The following ATP9A variants were observed in gnomAD, a reference collection of about 807,000 sequenced individuals.
ATP9A encodes the protein probable phospholipid-transporting ATPase IIA.
A neutral mutation model predicts 144.1 loss-of-function variants in ATP9A; 52 were observed. The observed-to-expected ratio is 0.36, with a 90% CI of 0.29 to 0.45. The LOEUF is 0.45. Ranked by LOEUF, ATP9A falls within the 20% of genes least tolerant of loss-of-function variation. The probability of loss-of-function intolerance (pLI) is 1.00; values close to 1 mark genes in which losing one functional copy is unlikely to be tolerated. For synonymous variants in ATP9A, 582 were observed against 557.4 expected (o/e 1.04, Z -0.62); for missense variants, 947 against 1,392.7 (o/e 0.68, Z 5.09).
At chr20:51,747,141 C>T (rs992853981) in intron 1 of ATP9A, among the ~76,000 whole-genome samples, 2 of 136,366 alleles carry the variant, frequency 1.5e-5, no homozygotes, top group East Asian at 2.3e-4. Flanking sequence ...GAATACAAAA[C>T]CTAAGTCAGG....
intron 26 of ATP9A, 80 bp from the exon 27 acceptor site, chr20:51,605,100 C>A: frequency 7.7e-7 from 1 of 1,293,398 alleles, no homozygotes; most frequent in South Asian, 1.8e-5. Context: ...GGCTCCTTTC[C>A]GCAGTTTTCA....
chr20:51,699,660 T>C (rs1368121240), intron 4 of ATP9A, among the ~76,000 whole-genome samples: 1 of 152,128 alleles, frequency 6.6e-6, no homozygotes, highest in African/African-American at 2.4e-5. Context: ...TTTTTCTTTT[T>C]TAGACGGAGT....
chr20:51,641,353 T>C (rs1385618033), intron 14 of ATP9A, among the ~76,000 whole-genome samples: 3 of 151,574 alleles, frequency 2.0e-5, no homozygotes, highest in South Asian at 2.1e-4. Flanking sequence ...AGCGAGACTG[T>C]ATCTCAAAAA....
chr20:51,627,559 T>A (rs2426317), intron 17 of ATP9A, 41 bp downstream of exon 17: 7 of 1,556,096 alleles, frequency 4.5e-6, no homozygotes, highest in South Asian at 1.1e-5. Flanking sequence ...GGGAGGCAGG[T>A]GGGGCTGCAA....
At chr20:51,627,184 T>C (rs74784658) in intron 17 of ATP9A, among the ~76,000 whole-genome samples, 196 of 151,898 alleles carry the variant, frequency 1.3e-3, no homozygotes, top group African/African-American at 4.7e-3. Flanking sequence ...AAAAAAAATA[T>C]ATGAACAGGG....
At chr20:51,632,618 T>C (rs1228007060) in intron 15 of ATP9A, among the ~76,000 whole-genome samples, 1 of 152,090 alleles carries the variant, frequency 6.6e-6, no homozygotes, top group Non-Finnish European at 1.5e-5. Context: ...CATTCTCGAA[T>C]GCCCCCAGGA....
At chr20:51,723,563 C>CTTT (rs753282602) in intron 3 of ATP9A, among the ~76,000 whole-genome samples, 14 of 133,270 alleles carry the variant, frequency 1.1e-4, no homozygotes, top group East Asian at 2.7e-4. Flanking sequence ...ACAGCAAATT[C>CTTT]TTTTTTTTTT....
chr20:51,726,462 T>G (rs191409897), intron 2 of ATP9A, among the ~76,000 whole-genome samples: 1 of 151,794 alleles, frequency 6.6e-6, no homozygotes. Context: ...GAGTAAATAA[T>G]GATATACATG....
At position 51,690,932 on chromosome 20, in the gene ATP9A, C is replaced by T. The variant is rs557115014; in HGVS notation, c.643-113G>A. ...TATTTCCCACACACAGCAAATGGCC[C>T]CTCAAAATTACAGGGGAGGTGGAAA... On this transcript the variant is annotated intron_variant, in intron 7 of 27. Transcript: ENST00000338821. 5 of 836,966 alleles carry T rather than the reference C, an allele frequency of 6.0e-6. No homozygotes were observed. In the African/African-American group the frequency reaches 6.7e-5, roughly 11 times the overall value. The allele number at this position is 836,966 out of a possible 1,614,324, so 51.8% of individuals were successfully genotyped here.
intron 1 of ATP9A, among the ~76,000 whole-genome samples, chr20:51,752,412 C>A (rs1568847847): frequency 6.6e-6 from 1 of 152,212 alleles, no homozygotes; most frequent in Non-Finnish European, 1.5e-5. Context: ...TCAGGGATTT[C>A]TCTCGCACGT....
At chr20:51,677,300 C>T (rs569933107) in intron 9 of ATP9A, among the ~76,000 whole-genome samples, 2 of 152,270 alleles carry the variant, frequency 1.3e-5, no homozygotes, top group Admixed American at 6.5e-5. Flanking sequence ...TGCGGCTACA[C>T]TGACCAAAAG....
At chr20:51,667,034 AC>A (rs1429774189) in intron 13 of ATP9A, among the ~76,000 whole-genome samples, 1 of 152,026 alleles carries the variant, frequency 6.6e-6, no homozygotes, top group Non-Finnish European at 1.5e-5. Context: ...TTGTGAGTTC[AC>A]CCCAGCCTCG....
At chr20:51,678,060 G>T (rs2077484406) in intron 9 of ATP9A, among the ~76,000 whole-genome samples, 1 of 138,498 alleles carries the variant, frequency 7.2e-6, no homozygotes, top group Non-Finnish European at 1.6e-5. Flanking sequence ...AAGAAACACG[G>T]CATCACAGGG....
intron 2 of ATP9A, among the ~76,000 whole-genome samples, chr20:51,727,526 T>G (rs1228496218): frequency 6.7e-6 from 1 of 149,998 alleles, no homozygotes; most frequent in Non-Finnish European, 1.5e-5. Context: ...GCGGAGATAG[T>G]AGTGAGCCAA....
chr20:51,734,711 G>A (rs1341584246), intron 1 of ATP9A: 3 of 180,234 alleles, frequency 1.7e-5, no homozygotes, highest in African/African-American at 7.0e-5. Context: ...TTAAGTGGGT[G>A]AACCCCAAGT....
intron 1 of ATP9A, among the ~76,000 whole-genome samples, chr20:51,732,146 C>A (rs139686767): frequency 3.8e-4 from 58 of 152,286 alleles, no homozygotes; most frequent in African/African-American, 1.4e-3. Context: ...GGAATCTGGG[C>A]TGCTCTGGCA....
chr20:51,704,738 C>T (rs1325574799), intron 4 of ATP9A, among the ~76,000 whole-genome samples: 1 of 152,208 alleles, frequency 6.6e-6, no homozygotes, highest in East Asian at 1.9e-4. Context: ...CGAGATCGCG[C>T]CATCGCACTC....
intron 27 of ATP9A, among the ~76,000 whole-genome samples, chr20:51,601,906 C>CA (rs960874807): frequency 2.3e-4 from 35 of 150,802 alleles, no homozygotes; most frequent in East Asian, 2.1e-3. Flanking sequence ...GACACTGTCT[C>CA]AAAAAAAAGA....
intron 8 of ATP9A, among the ~76,000 whole-genome samples, chr20:51,689,439 A>G (rs569522568): frequency 1.3e-5 from 2 of 152,272 alleles, no homozygotes; most frequent in South Asian, 4.1e-4. Context: ...AAAGCAAACC[A>G]ATCAGGCTGT....
Sources: gnomAD v4.1 joint callset for allele counts (sites outside exome capture counted in the v4.1 genomes callset) on GRCh38, gnomAD v4.1.1 for gene constraint, MANE v1.5 for transcripts, NCBI Gene and HGNC (gene_info 2026-07-23, HGNC 2026-07-21) for gene names.